OR3A2: variants seen among roughly 807,000 people sequenced by gnomAD.
The protein encoded by OR3A2 is olfactory receptor family 3 subfamily A member 2.
For missense variants in OR3A2, 318 were observed against 392.8 expected (o/e 0.81, Z 1.61); for synonymous variants, 126 against 159.3 (o/e 0.79, Z 1.57).
At chr17:3,279,505 T>C (rs1227607019) in intron 1 of OR3A2, among the ~76,000 whole-genome samples, 3 of 152,176 alleles carry the variant, frequency 2.0e-5, no homozygotes, top group African/African-American at 7.2e-5. Flanking sequence ...TTTAAAAACA[T>C]AACCCAGGCT....
chr17:3,293,602 G>T (rs780287724), intron 3 of OR3A2, among the ~76,000 whole-genome samples: 1 of 151,946 alleles, frequency 6.6e-6, no homozygotes, highest in Non-Finnish European at 1.5e-5. Flanking sequence ...GAAAAAAGAG[G>T]TAAATAAACA....
rs143741496 is a variant in OR3A2, at chr17:3,312,007, T to C, written c.-85+24026A>G. On this transcript the variant is annotated intron_variant, in intron 3 of 4. Coordinates refer to the OR3A2 transcript ENST00000573491. ...CTTTCTTATGCTGAAGGACTAGGTA[T>C]GGGCAGGAAAAATCCTCAGCGTCGG... 4.0e-3 allele frequency: 613 copies of C among 153,898 alleles called. 4 individuals are homozygous for C. Among genetic ancestry groups the C allele is most frequent in the Non-Finnish European group, 6.7e-3 (467 of 69,242 alleles). 9.5% of individuals were successfully genotyped at this position (153,898 alleles called of 1,614,324 possible). A position where few individuals can be genotyped will look rare whatever the true frequency, so the allele number is the denominator to read the frequency against.
intron 3 of OR3A2, chr17:3,290,933 A>T (rs979098672): frequency 6.6e-6 from 1 of 152,174 alleles, no homozygotes. Flanking sequence ...CACATGGGAG[A>T]AAAAGATGAG....
chr17:3,375,909 C>G (rs551103235), intron 2 of OR3A2, among the ~76,000 whole-genome samples: 25 of 152,280 alleles, frequency 1.6e-4, no homozygotes, highest in African/African-American at 5.5e-4. Context: ...GGGCTCTGGG[C>G]TGGTGCTGGG....
intron 2 of OR3A2, among the ~76,000 whole-genome samples, chr17:3,338,110 T>C (rs1353531855): frequency 6.6e-6 from 1 of 152,254 alleles, no homozygotes. Context: ...TGCCCACTTT[T>C]TGATGGGGTT....
chr17:3,371,365 G>A (rs1203894570), intron 2 of OR3A2, among the ~76,000 whole-genome samples: 2 of 150,578 alleles, frequency 1.3e-5, no homozygotes, highest in East Asian at 2.0e-4. Context: ...GGCTGGCCGG[G>A]CGGGGGGCTG....
At chr17:3,381,317 G>GATTTTT (rs1567574170) in intron 2 of OR3A2, among the ~76,000 whole-genome samples, 1 of 145,006 alleles carries the variant, frequency 6.9e-6, no homozygotes, top group Non-Finnish European at 1.5e-5. Context: ...TCAAACATAG[G>GATTTTT]GTTTTTTTTT....
At chr17:3,285,989 G>A (rs548577942), upstream of OR3A2, among the ~76,000 whole-genome samples, 2 of 152,062 alleles carry the variant, frequency 1.3e-5, no homozygotes, top group African/African-American at 2.4e-5. Context: ...ATAGGTATAC[G>A]TGTGCCATGG....
chr17:3,289,642 A>T (rs1429001282), intron 3 of OR3A2, among the ~76,000 whole-genome samples: 2 of 152,224 alleles, frequency 1.3e-5, no homozygotes, highest in Non-Finnish European at 2.9e-5. Flanking sequence ...CTATTCATTC[A>T]AACTAACAGA....
At chr17:3,296,952 G>A (rs2048923608) in intron 3 of OR3A2, among the ~76,000 whole-genome samples, 1 of 152,222 alleles carries the variant, frequency 6.6e-6, no homozygotes, top group Non-Finnish European at 1.5e-5. Context: ...GTTTATGGAA[G>A]GGGCATAACA....
intron 2 of OR3A2, among the ~76,000 whole-genome samples, chr17:3,376,040 T>C (rs975636494): frequency 6.6e-6 from 1 of 152,202 alleles, no homozygotes; most frequent in African/African-American, 2.4e-5. Flanking sequence ...TGCTTGGTTG[T>C]AGTTTGGTTT....
intron 2 of OR3A2, among the ~76,000 whole-genome samples, chr17:3,338,481 T>C (rs1048112236): frequency 1.3e-5 from 2 of 152,232 alleles, no homozygotes; most frequent in Admixed American, 1.3e-4. Context: ...GTTTCAGCTT[T>C]CTACATATGG....
Position 3,372,205 on chromosome 17 carries a change from C to T in OR3A2, c.-179+11599G>A, listed in dbSNP as rs2049634274. ...CAGACGGGGCAGCGGGGCAGAGGCGCTCCCCACATCTCAGACGATGGGCGG... is the reference window on the plus strand; with the variant it reads ...CAGACGGGGCAGCGGGGCAGAGGCGTTCCCCACATCTCAGACGATGGGCGG... On this transcript the variant is annotated intron_variant, in intron 2 of 4. Coordinates refer to the OR3A2 transcript ENST00000573491. 2.0e-5 allele frequency among the ~76,000 whole-genome samples: 3 copies of T among 149,632 alleles called. No individual in the cohort carries two copies. The South Asian group carries it at 6.5e-4, about 33-fold the overall frequency.
chr17:3,321,427 G>A (rs2049121299), intron 3 of OR3A2, among the ~76,000 whole-genome samples: 1 of 152,002 alleles, frequency 6.6e-6, no homozygotes, highest in Admixed American at 6.6e-5. Flanking sequence ...TTGAATAGGA[G>A]TGGTGAGAGA....
intron 2 of OR3A2, among the ~76,000 whole-genome samples, chr17:3,363,505 C>G (rs765958396): frequency 7.1e-4 from 108 of 151,780 alleles, no homozygotes; most frequent in Admixed American, 1.6e-3. Context: ...ATATCACTGT[C>G]AGCATTTCGG....
chr17:3,291,956 C>T (rs1350526054), intron 3 of OR3A2: 2 of 1,614,110 alleles, frequency 1.2e-6, no homozygotes, highest in Non-Finnish European at 1.7e-6. Flanking sequence ...GGGTACCTGC[C>T]ATTATAAAAC....
At chr17:3,303,411 A>G (rs1042172623) in intron 3 of OR3A2, among the ~76,000 whole-genome samples, 10 of 152,164 alleles carry the variant, frequency 6.6e-5, no homozygotes, top group Non-Finnish European at 1.3e-4. Context: ...TTTTCAGCAT[A>G]TATAGCTGTT....
At chr17:3,357,586 G>C (rs2049474049) in intron 2 of OR3A2, among the ~76,000 whole-genome samples, 1 of 151,548 alleles carries the variant, frequency 6.6e-6, no homozygotes, top group Non-Finnish European at 1.5e-5. Flanking sequence ...TTGTTTAATG[G>C]GTACAGAGTT....
chr17:3,341,021 G>C (rs1404185405), intron 2 of OR3A2, among the ~76,000 whole-genome samples: 1 of 152,012 alleles, frequency 6.6e-6, no homozygotes, highest in African/African-American at 2.4e-5. Flanking sequence ...ATTATGTAAT[G>C]GCCTTCTTTG....
Sources: gnomAD v4.1 joint callset for allele counts (sites outside exome capture counted in the v4.1 genomes callset) on GRCh38, gnomAD v4.1.1 for gene constraint, MANE v1.5 for transcripts, NCBI Gene and HGNC (gene_info 2026-07-23, HGNC 2026-07-21) for gene names.